The following WNK3 variants were observed in gnomAD, a reference collection of about 807,000 sequenced individuals.
WNK3 encodes serine/threonine-protein kinase WNK3.
Under a neutral mutation model 116.7 loss-of-function variants are expected in WNK3, and 18 were observed. The observed-to-expected ratio is 0.15, with a 90% CI of 0.11 to 0.23. The LOEUF is 0.23. Ranked by LOEUF, WNK3 falls within the 10% of genes least tolerant of loss-of-function variation. WNK3 has a pLI of 1.00. For missense variants in WNK3, 993 were observed against 1,323.8 expected, an observed-to-expected ratio of 0.75 and a Z score of 3.88; for synonymous variants, 404 against 469.4, an observed-to-expected ratio of 0.86 and a Z score of 1.80.
At chrX:54,283,540 C>T (rs1317618272) in intron 10 of WNK3, among the ~76,000 whole-genome samples, 3 of 110,519 alleles carry the variant, frequency 2.7e-5, no homozygotes, top group East Asian at 5.7e-4. Context: ...GAGGCCGAGG[C>T]GGGTGGATCA....
In WNK3 at chrX:54,215,485, T is replaced by A. The variant is rs1034595565; in HGVS notation, c.4870+13229A>T. On this transcript the variant is annotated intron_variant, in intron 22 of 23. Coordinates refer to ENST00000354646, the Ensembl canonical transcript of WNK3. ...GGATTGCAGACGGAGTCTCGCTCAC[T>A]CAGTGCTCAATGTTGCCCAGGCTGG... 3.5e-5 allele frequency among the ~76,000 whole-genome samples: 4 copies of A among 112,810 alleles called. No homozygotes were observed. The East Asian group carries it at 1.1e-3, about 32-fold the overall frequency.
chrX:54,201,907 G>A, intron 23 of WNK3, 84 bp downstream of exon 23: 1 of 797,763 alleles, frequency 1.3e-6, no homozygotes, highest in Non-Finnish European at 1.8e-6. Context: ...CTCTCTCATA[G>A]TGACTGTAAC....
At chrX:54,223,923 CT>C in intron 22 of WNK3, 1 of 141,714 alleles carries the variant, frequency 7.1e-6, no homozygotes, top group Non-Finnish European at 1.4e-5. Context: ...GACAAAGGAG[CT>C]TTGGCTAAGC....
chrX:54,266,105 A>C (rs1187746249), intron 10 of WNK3, among the ~76,000 whole-genome samples: 1 of 112,716 alleles, frequency 8.9e-6, no homozygotes, highest in East Asian at 2.8e-4. Flanking sequence ...TATACACAAC[A>C]GAGCACTATG....
intron 10 of WNK3, among the ~76,000 whole-genome samples, chrX:54,285,230 G>A: frequency 9.1e-6 from 1 of 110,083 alleles, no homozygotes; most frequent in East Asian, 2.9e-4. Flanking sequence ...AACATGGCAA[G>A]ACCCCGTCTC....
chrX:54,262,016 C>T (rs960308171), intron 10 of WNK3, among the ~76,000 whole-genome samples: 14 of 111,572 alleles, frequency 1.3e-4, no homozygotes, highest in Non-Finnish European at 2.3e-4. Context: ...TATCCATTTT[C>T]CTCTACATTT....
intron 10 of WNK3, among the ~76,000 whole-genome samples, chrX:54,280,435 G>C (rs868943723): frequency 2.2e-4 from 25 of 111,745 alleles, no homozygotes; most frequent in Admixed American, 6.7e-4. Flanking sequence ...AAAATTACAG[G>C]ATATAATGGA....
intron 10 of WNK3, among the ~76,000 whole-genome samples, chrX:54,285,145 A>G (rs1207431789): frequency 1.8e-5 from 2 of 111,449 alleles, no homozygotes; most frequent in African/African-American, 6.5e-5. Context: ...GGTGACTTAC[A>G]TCTGTAATTC....
At chrX:54,345,516 A>T (rs1938375300) in intron 1 of WNK3, among the ~76,000 whole-genome samples, 1 of 110,915 alleles carries the variant, frequency 9.0e-6, no homozygotes, top group African/African-American at 3.3e-5. Context: ...AATTAGAACC[A>T]CAAAGAGGCG....
chrX:54,267,381 T>C (rs142521954), intron 10 of WNK3, among the ~76,000 whole-genome samples: 1 of 109,857 alleles, frequency 9.1e-6, no homozygotes, highest in African/African-American at 3.3e-5. Context: ...AAATATCTCA[T>C]GTCCCCCATA....
chrX:54,224,681 T>G (rs1361382151), intron 22 of WNK3, among the ~76,000 whole-genome samples: 1 of 108,961 alleles, frequency 9.2e-6, no homozygotes, highest in Non-Finnish European at 1.9e-5. Flanking sequence ...GCCATTCTCC[T>G]GCCTCAGCCT....
chrX:54,273,605 T>C (rs1197153755), intron 10 of WNK3, among the ~76,000 whole-genome samples: 1 of 111,663 alleles, frequency 9.0e-6, no homozygotes, highest in Non-Finnish European at 1.9e-5. Context: ...AAGAATGCCA[T>C]CCACAGACCA....
chrX:54,216,430 C>A (rs1200455242), intron 22 of WNK3, among the ~76,000 whole-genome samples: 1 of 109,438 alleles, frequency 9.1e-6, no homozygotes, highest in African/African-American at 3.3e-5. Flanking sequence ...TAGGGGGCTA[C>A]CTGCAAGGCA....
At chrX:54,276,872 C>A (rs782065828) in intron 10 of WNK3, among the ~76,000 whole-genome samples, 1 of 111,187 alleles carries the variant, frequency 9.0e-6, no homozygotes, top group African/African-American at 3.3e-5. Context: ...CCCACTACCA[C>A]GCCCGGCTAA....
chrX:54,271,322 GA>G (rs35015803), intron 10 of WNK3, among the ~76,000 whole-genome samples: 2 of 111,313 alleles, frequency 1.8e-5, no homozygotes, highest in Non-Finnish European at 3.8e-5. Context: ...ATGTAGATGG[GA>G]AAAAAAGACT....
intron 15 of WNK3, among the ~76,000 whole-genome samples, chrX:54,250,819 C>T (rs1030883993): frequency 9.1e-5 from 10 of 110,413 alleles, no homozygotes; most frequent in African/African-American, 3.3e-4. Context: ...GGCTCTTATC[C>T]CCCTCCCAGA....
At chrX:54,345,278 ATATATATGTATGTATG>A (rs2069404419) in intron 1 of WNK3, among the ~76,000 whole-genome samples, 3 of 78,830 alleles carry the variant, frequency 3.8e-5, no homozygotes, top group Admixed American at 2.9e-4. Flanking sequence ...CAACAACTAT[ATATATATGTATGTATG>A]TATGTATGTA....
At chrX:54,213,715 T>G (rs1179864203) in intron 22 of WNK3, among the ~76,000 whole-genome samples, 2 of 109,801 alleles carry the variant, frequency 1.8e-5, no homozygotes, top group Middle Eastern at 4.7e-3. Context: ...ACTGGATCTT[T>G]GTAAAGATAA....
chrX:54,282,861 C>T (rs1164092924), intron 10 of WNK3, among the ~76,000 whole-genome samples: 1 of 111,750 alleles, frequency 8.9e-6, no homozygotes, highest in Non-Finnish European at 1.9e-5. Context: ...AAATTTAAAA[C>T]TCTTAGAAGA....
Sources: gnomAD v4.1 joint callset for allele counts (sites outside exome capture counted in the v4.1 genomes callset) on GRCh38, gnomAD v4.1.1 for gene constraint, MANE v1.5 for transcripts, NCBI Gene and HGNC (gene_info 2026-07-23, HGNC 2026-07-21) for gene names.